The following SYNE2 variants were observed in gnomAD, a reference collection of about 807,000 sequenced individuals.
The protein encoded by SYNE2 is nesprin-2.
Under a neutral mutation model 856.3 loss-of-function variants are expected in SYNE2, and 431 were observed. The ratio of observed to expected loss-of-function variants is 0.50; its 90% CI spans 0.47 to 0.55. The LOEUF (loss-of-function observed/expected upper bound fraction) is 0.55, where lower values mean the gene tolerates loss of function less well. Among genes scored for constraint, SYNE2 ranks in the 20% least tolerant of loss-of-function variants. The pLI is 0.00. For missense variants in SYNE2, 8,129 were observed against 8,023.2 expected (o/e 1.01, Z -0.50); for synonymous variants, 2,923 against 2,872.3 (o/e 1.02, Z -0.56).
chr14:64,033,317 T>G (rs2097056835), intron 45 of SYNE2, among the ~76,000 whole-genome samples: 1 of 152,210 alleles, frequency 6.6e-6, no homozygotes, highest in Admixed American at 6.5e-5. Context: ...CAGATCCATT[T>G]TGACTGTGAA....
chr14:64,191,819 G>A (rs2098520123), intron 99 of SYNE2, among the ~76,000 whole-genome samples: 1 of 152,152 alleles, frequency 6.6e-6, no homozygotes, highest in Admixed American at 6.5e-5. Flanking sequence ...ACCTAAGTAA[G>A]GATTAAGAGC....
At chr14:63,764,782 T>C (rs1162370018) in intron 1 of SYNE2, among the ~76,000 whole-genome samples, 1 of 151,764 alleles carries the variant, frequency 6.6e-6, no homozygotes, top group African/African-American at 2.4e-5. Flanking sequence ...CCTCCCTATG[T>C]CCAAAAAATT....
rs1477350865 is a variant in SYNE2, at chr14:64,162,238, C to T, written c.16261C>T (p.Leu5421=). Residue 5421 remains leucine, a synonymous_variant, in exon 88 of 116, where the codon CTG becomes TTG. Transcript: ENST00000555002. ...LANISMSGNN[L]AEILPPALQD... ...AAACATCAGCATGTCTGGAAACAAC[C>T]TGGCAGAGATCCTGCCCCCAGCCCT... is the stretch of plus-strand genomic sequence containing the variant. 1.9e-6 allele frequency: 3 copies of T among 1,614,222 alleles called. No individual in the cohort carries two copies. Among genetic ancestry groups the T allele is most frequent in the Admixed American group, 1.7e-5 (1 of 60,030 alleles).
intron 66 of SYNE2, among the ~76,000 whole-genome samples, chr14:64,119,044 T>G (rs2097877346): frequency 6.6e-6 from 1 of 152,196 alleles, no homozygotes; most frequent in Non-Finnish European, 1.5e-5. Context: ...GGCACACTCC[T>G]CTAAAGTAAG....
chr14:64,107,386 C>CT, intron 64 of SYNE2, 105 bp from the exon 65 acceptor site: 3 of 1,066,774 alleles, frequency 2.8e-6, no homozygotes, highest in Non-Finnish European at 4.4e-6. Flanking sequence ...CCATATCTGA[C>CT]TTTTTTGCAA....
chr14:64,101,364 C>T (rs1281950053), intron 63 of SYNE2, among the ~76,000 whole-genome samples: 1 of 152,014 alleles, frequency 6.6e-6, no homozygotes, highest in Admixed American at 6.6e-5. Context: ...TTTGCATTTC[C>T]CTGGTGATTA....
At chr14:64,129,959 T>G (rs1477965694) in intron 75 of SYNE2, 58 bp downstream of exon 75, 7 of 1,613,774 alleles carry the variant, frequency 4.3e-6, no homozygotes, top group Non-Finnish European at 5.1e-6. Context: ...CCAGATCCTT[T>G]TCTTCCACCA....
At chr14:63,824,950 A>G (rs1231604767) in intron 1 of SYNE2, among the ~76,000 whole-genome samples, 9 of 152,016 alleles carry the variant, frequency 5.9e-5, no homozygotes, top group Non-Finnish European at 1.3e-4. Context: ...TGGCCAACAC[A>G]GTGAAACCCC....
At chr14:64,022,725 A>C in intron 37 of SYNE2, 26 bp from the exon 38 acceptor site, 1 of 1,215,326 alleles carries the variant, frequency 8.2e-7, no homozygotes, top group Non-Finnish European at 1.2e-6. Context: ...CCTTGAATGA[A>C]TAGAGCTTTT....
chr14:64,088,870 G>A (rs1421518668), intron 58 of SYNE2, among the ~76,000 whole-genome samples: 1 of 152,052 alleles, frequency 6.6e-6, no homozygotes. Context: ...ATTATTTTTG[G>A]TTACTGAAGC....
intron 8 of SYNE2, among the ~76,000 whole-genome samples, chr14:63,958,098 A>T (rs1043796273): frequency 6.6e-6 from 1 of 152,186 alleles, no homozygotes; most frequent in Non-Finnish European, 1.5e-5. Context: ...TTTATGGAAA[A>T]ATTGAGAAGA....
rs770755247 is a variant in SYNE2, at chr14:64,208,903, G to A, written c.18347G>A (p.Arg6116His). ...IQQTTRSLDR[R>H]WRNICAMSME... The stretch of plus-strand genomic sequence containing the variant: ...CAGACCACCAGGAGCCTGGACAGAC[G>A]CTGGAGGAACATTTGTGCCATGTCC... Residue 6116 changes from arginine to histidine, a missense_variant, in exon 101 of 116, where the codon CGC (arginine) becomes CAC (histidine). By Grantham distance (29) the Arg-to-His change is conservative (BLOSUM62 0). Around this residue, in one of 3 missense-constraint regions of SYNE2, gnomAD observed 5,410 missense variants for 5,284.8 expected, o/e 1.02. Coordinates refer to ENST00000555002, the MANE Select transcript of SYNE2 (RefSeq NM_182914.3). The A allele has an allele frequency of 8.1e-6, 13 of 1,614,042 alleles. No homozygotes were observed. The highest frequency in any genetic ancestry group is 2.7e-5 in the African/African-American group (2 of 74,924).
intron 19 of SYNE2, among the ~76,000 whole-genome samples, chr14:63,988,950 T>C (rs2096646329): frequency 6.6e-6 from 1 of 152,216 alleles, no homozygotes; most frequent in Admixed American, 6.5e-5. Context: ...CCAAACCATA[T>C]CACCATGCCA....
intron 1 of SYNE2, among the ~76,000 whole-genome samples, chr14:63,862,516 G>A (rs977993172): frequency 2.0e-5 from 3 of 152,192 alleles, no homozygotes; most frequent in Non-Finnish European, 4.4e-5. Context: ...GATTAGAGGC[G>A]TGAACCACTG....
At chr14:63,892,729 C>CTT (rs11293385) in intron 1 of SYNE2, among the ~76,000 whole-genome samples, 4 of 130,238 alleles carry the variant, frequency 3.1e-5, no homozygotes, top group East Asian at 2.2e-4. Context: ...GGTGTACTTT[C>CTT]TTTTTTTTTT....
Position 63,980,643 on chromosome 14 carries a change from T to C in SYNE2, c.1570-11T>C, listed in dbSNP as rs774948874. The C allele has an allele frequency of 6.4e-7, 1 of 1,561,616 alleles. No homozygotes were observed. Among genetic ancestry groups the C allele is most frequent in the Non-Finnish European group, 8.8e-7 (1 of 1,133,386 alleles). On this transcript the variant is annotated splice_polypyrimidine_tract_variant and intron_variant, in intron 14 of 115. Transcript: ENST00000555002. The stretch of plus-strand genomic sequence containing the variant: ...TAAAAACTGTCAATATGTTTTTTGT[T>C]TTCTTCCCAGAAATTTATTGAAGAA...
intron 110 of SYNE2, among the ~76,000 whole-genome samples, chr14:64,220,015 C>T (rs1180415342): frequency 6.6e-6 from 1 of 152,176 alleles, no homozygotes; most frequent in African/African-American, 2.4e-5. Context: ...ATCCAGGTAC[C>T]TTTCATATTT....
intron 96 of SYNE2, among the ~76,000 whole-genome samples, chr14:64,180,054 G>A (rs547949475): frequency 3.9e-5 from 6 of 152,066 alleles, no homozygotes; most frequent in Non-Finnish European, 7.4e-5. Context: ...TTTTGCATAC[G>A]TTTTAAGGCA....
chr14:63,894,606 G>T (rs555402965), intron 1 of SYNE2, among the ~76,000 whole-genome samples: 13 of 152,084 alleles, frequency 8.5e-5, no homozygotes, highest in Non-Finnish European at 1.6e-4. Context: ...AGCCTGGACT[G>T]CTGTTCTCCC....
Sources: gnomAD v4.1 joint callset for allele counts (sites outside exome capture counted in the v4.1 genomes callset) on GRCh38, gnomAD v4.1.1 for gene constraint, gnomAD v4.1.1 regional missense constraint, MANE v1.5 for transcripts, NCBI Gene and HGNC (gene_info 2026-07-23, HGNC 2026-07-21) for gene names.